Variants in RIPOR2 observed in about 807,000 individuals in gnomAD.
RIPOR2 encodes RHO family interacting cell polarization regulator 2, also known as rho family-interacting cell polarization regulator 2.
RIPOR2 carries 39 observed loss-of-function variants against 114.5 expected under a neutral mutation model. The ratio of observed to expected loss-of-function variants is 0.34; its 90% confidence interval spans 0.26 to 0.44. RIPOR2 has a LOEUF of 0.44. Ranked by LOEUF, RIPOR2 falls within the 20% of genes least tolerant of loss-of-function variation. The pLI is 1.00. For missense variants in RIPOR2, 1,007 were observed against 1,255.1 expected (o/e 0.80, Z 2.99); for synonymous variants, 445 against 484.4 (o/e 0.92, Z 1.07).
chr6:24,890,004 G>A (rs1010201402), intron 1 of RIPOR2, among the ~76,000 whole-genome samples: 3 of 152,190 alleles, frequency 2.0e-5, no homozygotes, highest in Non-Finnish European at 4.4e-5. Flanking sequence ...CGATTCTCCT[G>A]CCTCAACCTC....
At chr6:24,871,644 C>T (rs759972817) in intron 4 of RIPOR2, among the ~76,000 whole-genome samples, 3 of 152,232 alleles carry the variant, frequency 2.0e-5, no homozygotes, top group East Asian at 1.9e-4. Flanking sequence ...TGAGCCACCA[C>T]GCCCGGCCTT....
chr6:24,858,774 C>T lies in RIPOR2; in HGVS notation c.715+2199G>A, dbSNP rs1224584489. 6.6e-6 allele frequency among the ~76,000 whole-genome samples: 1 copy of T among 152,076 alleles called. No individual in the cohort carries two copies. The highest frequency in any genetic ancestry group is 1.5e-5 in the Non-Finnish European group (1 of 68,024). On this transcript the variant is annotated intron_variant, in intron 8 of 21. Transcript: ENST00000643898. This position sits in a 1 kb window ranked among gnomAD's most constrained non-coding sequence, Gnocchi z 4.0. Reference sequence around the variant, plus strand: ...ACAGAGAGAGGAGGAGATGGAGGAGCAGGAGCAACAGCAAGTTCATCAGTC... The same window carrying T: ...ACAGAGAGAGGAGGAGATGGAGGAGTAGGAGCAACAGCAAGTTCATCAGTC...
intron 19 of RIPOR2, 51 bp downstream of exon 19, chr6:24,825,175 A>T: frequency 7.7e-7 from 1 of 1,299,026 alleles, no homozygotes; most frequent in Non-Finnish European, 1.1e-6. Context: ...GTAGTAAATG[A>T]TAGGAAATTA....
chr6:24,883,703 AC>A lies in RIPOR2; in HGVS notation c.62-7887del. Among the ~76,000 whole-genome samples, 1 of 152,382 alleles carries A rather than the reference AC, an allele frequency of 6.6e-6. No homozygotes were observed. Among genetic ancestry groups the A allele is most frequent in the Non-Finnish European group, 1.5e-5 (1 of 68,040 alleles). ...CAAGAGGAAGTGCCAAGAAATCAGG[AC>A]TTGGAAAAGCTGAATCAGTAAGCAA... On this transcript the variant is annotated intron_variant, in intron 1 of 21. Coordinates refer to ENST00000643898, the MANE Select transcript of RIPOR2 (RefSeq NM_001286445.3). This position sits in a 1 kb window ranked among gnomAD's most constrained non-coding sequence, Gnocchi z 4.1.
chr6:25,004,655 T>A (rs1775470421), intron 1 of RIPOR2, among the ~76,000 whole-genome samples: 1 of 152,230 alleles, frequency 6.6e-6, no homozygotes, highest in Non-Finnish European at 1.5e-5. Context: ...GAGGGACTAT[T>A]TGTCCCGAAC....
intron 1 of RIPOR2, chr6:25,024,116 C>G (rs1776476110): frequency 1.2e-6 from 1 of 836,112 alleles, no homozygotes; most frequent in Non-Finnish European, 2.1e-6. Context: ...TCAAACCGGA[C>G]CTGATATTCC....
upstream of RIPOR2, among the ~76,000 whole-genome samples, chr6:24,938,769 G>T (rs1431300183): frequency 2.6e-5 from 4 of 152,084 alleles, no homozygotes; most frequent in Non-Finnish European, 5.9e-5. Context: ...AATCACAAAT[G>T]CTACCACGAA....
intron 19 of RIPOR2, among the ~76,000 whole-genome samples, chr6:24,818,880 A>T (rs1355966718): frequency 3.9e-5 from 6 of 151,958 alleles, no homozygotes; most frequent in African/African-American, 1.5e-4. Context: ...ATTGAGTAAC[A>T]TAATGACCGT....
chr6:24,862,918 T>C (rs1272712573), intron 7 of RIPOR2, among the ~76,000 whole-genome samples: 3 of 151,994 alleles, frequency 2.0e-5, no homozygotes, highest in Admixed American at 2.0e-4. Context: ...AATAACATGC[T>C]GGCTTTTGTG....
rs556921266 is a variant in RIPOR2, at chr6:24,852,686, C to T, written c.716-68G>A. On this transcript the variant is annotated intron_variant, in intron 8 of 21. Coordinates refer to ENST00000643898, the MANE Select transcript of RIPOR2 (RefSeq NM_001286445.3). ...CCCTCTCTATAGACACATACTGGCA[C>T]GTTAAAAAGAATTCAAGTGAAGTGT... The T allele has an allele frequency of 8.2e-5, 96 of 1,169,352 alleles. 2 individuals are homozygous for T. Among genetic ancestry groups the T allele is most frequent in the African/African-American group, 5.8e-4 (36 of 62,350 alleles). The allele number at this position is 1,169,352 out of a possible 1,614,324, so 72.4% of individuals were successfully genotyped here. A position where few individuals can be genotyped will look rare whatever the true frequency, so the allele number is the denominator to read the frequency against.
chr6:24,832,700 T>C (rs533992249), intron 15 of RIPOR2, among the ~76,000 whole-genome samples: 2 of 152,318 alleles, frequency 1.3e-5, no homozygotes, highest in Admixed American at 1.3e-4. Context: ...CTTTGAAACG[T>C]GAGGGGCAGT....
intron 1 of RIPOR2, among the ~76,000 whole-genome samples, chr6:25,005,696 T>G (rs1536769): frequency 2.1e-3 from 23 of 10,808 alleles, no homozygotes; most frequent in South Asian, 8.2e-3. Context: ...CCTATGGAGA[T>G]ATATATATAT....
chr6:24,894,171 A>C (rs1316487358), intron 1 of RIPOR2, among the ~76,000 whole-genome samples: 2 of 152,378 alleles, frequency 1.3e-5, no homozygotes, highest in Non-Finnish European at 1.5e-5. Flanking sequence ...AACTTCAAAG[A>C]AACACCTTGA....
At chr6:24,922,292 C>T (rs6933228) in intron 1 of RIPOR2, among the ~76,000 whole-genome samples, 8,166 of 152,240 alleles carry the variant, frequency 0.054, 558 homozygotes, top group African/African-American at 0.16. Flanking sequence ...CTAAAACTGA[C>T]GCCCAGCTAG....
chr6:24,810,631 G>C (rs1170456776), intron 20 of RIPOR2, among the ~76,000 whole-genome samples: 1 of 152,134 alleles, frequency 6.6e-6, no homozygotes, highest in Non-Finnish European at 1.5e-5. Flanking sequence ...AACCCATGCA[G>C]ATCACTGTAT....
At chr6:24,965,401 G>A (rs1299751203) in intron 1 of RIPOR2, among the ~76,000 whole-genome samples, 1 of 152,138 alleles carries the variant, frequency 6.6e-6, no homozygotes, top group Non-Finnish European at 1.5e-5. Flanking sequence ...GCCTCCCAAA[G>A]TGCTGGGATT....
intron 9 of RIPOR2, among the ~76,000 whole-genome samples, chr6:24,852,198 GT>G (rs1291270709): frequency 6.6e-6 from 1 of 152,048 alleles, no homozygotes; most frequent in African/African-American, 2.4e-5. Context: ...GGTGGCAGAG[GT>G]TGCAGTGAGC....
intron 18 of RIPOR2, among the ~76,000 whole-genome samples, 197 bp downstream of exon 18, chr6:24,827,940 G>A (rs1346117907): frequency 6.6e-6 from 1 of 152,168 alleles, no homozygotes; most frequent in Non-Finnish European, 1.5e-5. Flanking sequence ...TGATTGAGTT[G>A]CTCCTAGTGA....
chr6:24,988,673 G>C (rs4712870), intron 1 of RIPOR2, among the ~76,000 whole-genome samples: 56,810 of 151,698 alleles, frequency 0.37, 10,793 homozygotes, highest in South Asian at 0.43. Context: ...ATCTGGTTGT[G>C]TGTGTGTGTG....
Sources: allele counts gnomAD v4.1 joint callset (sites outside exome capture counted in the v4.1 genomes callset), GRCh38; gene constraint gnomAD v4.1.1; non-coding constraint Gnocchi (gnomAD v3.1); transcripts MANE v1.5; gene names NCBI Gene and HGNC (gene_info 2026-07-23, HGNC 2026-07-21).